Variants in ENKUR observed in about 807,000 individuals in gnomAD.
ENKUR encodes the protein enkurin, TRPC channel interacting protein.
ENKUR carries 19 observed loss-of-function variants against 27.6 expected under a neutral mutation model. That is an observed-to-expected ratio of 0.69 (90% CI 0.48 to 1.01). The LOEUF (loss-of-function observed/expected upper bound fraction) is 1.01, where lower values mean the gene tolerates loss of function less well. Among genes scored for constraint, ENKUR ranks in the 50% least tolerant of loss-of-function variants. The probability of loss-of-function intolerance (pLI) is 0.00; values close to 1 mark genes in which losing one functional copy is unlikely to be tolerated. For missense variants in ENKUR, 312 were observed against 310.5 expected (o/e 1.00, Z -0.04); for synonymous variants, 117 against 96.9 (o/e 1.21, Z -1.22).
intron 2 of ENKUR, among the ~76,000 whole-genome samples, chr10:25,036,004 T>C (rs1851003457): frequency 6.6e-6 from 1 of 152,220 alleles, no homozygotes; most frequent in Non-Finnish European, 1.5e-5. Flanking sequence ...ATGGAGACCT[T>C]AGATAAGTAA....
chr10:25,006,466 A>G (rs558865088), intron 1 of ENKUR, among the ~76,000 whole-genome samples: 58 of 152,212 alleles, frequency 3.8e-4, no homozygotes, highest in African/African-American at 1.3e-3. Context: ...TTAAAGAAGC[A>G]TGGGAAGGAT....
chr10:25,035,490 G>A (rs1316421059), intron 2 of ENKUR, among the ~76,000 whole-genome samples: 1 of 152,028 alleles, frequency 6.6e-6, no homozygotes, highest in Non-Finnish European at 1.5e-5. Context: ...AGGAGGTGGA[G>A]GTTGCAGTGA....
At chr10:25,020,943 A>G (rs1400560367), upstream of ENKUR, among the ~76,000 whole-genome samples, 1 of 152,240 alleles carries the variant, frequency 6.6e-6, no homozygotes, top group Admixed American at 6.5e-5. Flanking sequence ...TTTAAAGTCC[A>G]GTACCAGAAT....
chr10:25,018,654 GA>G (rs1850657292), upstream of ENKUR, among the ~76,000 whole-genome samples: 2 of 116,280 alleles, frequency 1.7e-5, no homozygotes, highest in East Asian at 5.4e-4. Context: ...AAACAAATGA[GA>G]GTTGTTTTTT....
chr10:25,024,753 CTT>C, intron 2 of ENKUR: 1 of 1,614,068 alleles, frequency 6.2e-7, no homozygotes, highest in Middle Eastern at 1.6e-4. Flanking sequence ...CCACAGGAAA[CTT>C]TGGTAACATT....
intron 2 of ENKUR, among the ~76,000 whole-genome samples, chr10:25,033,821 G>GTCTA (rs1850964772): frequency 7.1e-6 from 1 of 140,160 alleles, no homozygotes; most frequent in Non-Finnish European, 1.5e-5. Flanking sequence ...ATGTGTGTGT[G>GTCTA]TGTGTCTATC....
rs1564352066 is a variant in ENKUR at position 25,027,356 on chromosome 10, T to TAA, written c.38-31488_38-31487insTT. 7.2e-4 allele frequency among the ~76,000 whole-genome samples: 33 copies of TAA among 45,722 alleles called. 4 individuals are homozygous for TAA. The highest frequency in any genetic ancestry group is 1.6e-3 in the South Asian group (2 of 1,234). 30.0% of individuals were successfully genotyped at this position (45,722 alleles called of 152,430 possible). A position where few individuals can be genotyped will look rare whatever the true frequency, so the allele number is the denominator to read the frequency against. ...TGGGTGACAGAGCAAGACTCCCGTCTCAAAAAAAAAAAAAAAAAAAAAAAA... is the reference window on the plus strand; with the variant it reads ...TGGGTGACAGAGCAAGACTCCCGTCTAACAAAAAAAAAAAAAAAAAAAAAAAA... On this transcript the variant is annotated intron_variant, in intron 2 of 5. Transcript: ENST00000615958.
chr10:24,986,339 C>A (rs940484439), intron 4 of ENKUR, among the ~76,000 whole-genome samples: 1 of 152,038 alleles, frequency 6.6e-6, no homozygotes, highest in African/African-American at 2.4e-5. Flanking sequence ...AAAAGGGCAA[C>A]AAATTATGAG....
chr10:25,035,658 TC>T (rs1243402965), intron 2 of ENKUR, among the ~76,000 whole-genome samples: 5 of 152,206 alleles, frequency 3.3e-5, no homozygotes, highest in African/African-American at 1.2e-4. Flanking sequence ...CTTCATTTTT[TC>T]TATGATGGTA....
chr10:25,003,841 G>A (rs756460050), intron 1 of ENKUR, among the ~76,000 whole-genome samples: 16 of 152,100 alleles, frequency 1.1e-4, no homozygotes, highest in Non-Finnish European at 2.1e-4. Context: ...CCCAGCCTCC[G>A]ATAGGCCCCA....
At position 25,024,321 on chromosome 10, in the gene ENKUR, C is replaced by T. The variant is rs758732283; in HGVS notation, c.38-28452G>A. On this transcript the variant is annotated intron_variant, in intron 2 of 5. Transcript: ENST00000615958. ...TGCCTCATATTTTTGCACACTGTAT[C>T]CCACCAAGTTGCAATTATATGATAC... is the stretch of plus-strand genomic sequence containing the variant. 3.0e-5 allele frequency: 48 copies of T among 1,614,004 alleles called. No homozygotes were observed. In the South Asian group the frequency reaches 4.0e-4, roughly 13 times the overall value.
At position 24,995,838 on chromosome 10, in the gene ENKUR, C is replaced by A. The variant is rs901262502; in HGVS notation, c.255G>T (p.Lys85Asn). 3 of 1,610,960 alleles carry A rather than the reference C, an allele frequency of 1.9e-6. No homozygotes were observed. In the African/African-American group the frequency reaches 4.0e-5, roughly 22 times the overall value. Residue 85 changes from lysine (K) to asparagine (N), a missense_variant, in exon 3 of 6, where the codon AAG (lysine) becomes AAT (asparagine). Physicochemically the swap from Lys to Asn is moderately conservative, Grantham distance 94. Coordinates refer to ENST00000331161, the MANE Select transcript of ENKUR (RefSeq NM_145010.4). The stretch of plus-strand genomic sequence containing the variant: ...GATCAGTCTTCAATGGCACAGCAGG[C>A]TTTTTGGGCACGTTCCGATCAAAGT... Reference protein sequence around the residue: ...KKNFDRNVPKKPAVPLKTDHP... With the variant: ...KKNFDRNVPKNPAVPLKTDHP...
Position 24,995,773 on chromosome 10 carries a change from T to C in ENKUR, c.320A>G (p.Asn107Ser), listed in dbSNP as rs1386460164. ...MGIQSGKNFI[N>S]TNAADIIMGV... ...CATGATGATATCAGCTGCATTTGTA[T>C]TTATAAAATTTTTTCCACTCTGTAT... is the stretch of plus-strand genomic sequence containing the variant. Residue 107 changes from asparagine (N) to serine (S), a missense_variant, in exon 3 of 6, where the codon AAT becomes AGT. Physicochemically the swap from Asn to Ser is conservative, Grantham distance 46 (BLOSUM62 1). Transcript: ENST00000331161. 6 of 1,613,958 alleles carry C rather than the reference T, an allele frequency of 3.7e-6. No homozygotes were observed. Among genetic ancestry groups the C allele is most frequent in the Non-Finnish European group, 5.1e-6 (6 of 1,180,006 alleles).
chr10:25,057,574 G>T (rs981778130), intron 2 of ENKUR, among the ~76,000 whole-genome samples: 1 of 152,040 alleles, frequency 6.6e-6, no homozygotes, highest in East Asian at 1.9e-4. Flanking sequence ...AGACTCCTAG[G>T]TTCTGGAAAA....
At chr10:25,053,013 T>A (rs1588685942) in intron 2 of ENKUR, among the ~76,000 whole-genome samples, 1 of 147,894 alleles carries the variant, frequency 6.8e-6, no homozygotes, top group African/African-American at 2.5e-5. Flanking sequence ...AGGTGATCCA[T>A]CCACCTCGGC....
intron 2 of ENKUR, among the ~76,000 whole-genome samples, chr10:25,051,603 T>A (rs1049123844): frequency 1.3e-5 from 2 of 152,122 alleles, no homozygotes; most frequent in African/African-American, 2.4e-5. Context: ...GACCTCCCTA[T>A]CACAAGGACA....
intron 2 of ENKUR, among the ~76,000 whole-genome samples, chr10:25,051,408 T>C (rs1430444786): frequency 6.6e-6 from 1 of 152,096 alleles, no homozygotes; most frequent in Non-Finnish European, 1.5e-5. Flanking sequence ...AAGAGAGGTT[T>C]AATTGGCTCA....
In ENKUR at chr10:25,026,382, G is replaced by T. The variant is rs187419535; in HGVS notation, c.38-30513C>A. On this transcript the variant is annotated intron_variant, in intron 2 of 5. Transcript: ENST00000615958. ...ACTACTTAGAAGTGAATACAGAAAT[G>T]ATCTATTTCAAGAGGAAGGTTTTCC... 3.8e-3 allele frequency: 636 copies of T among 167,050 alleles called. 5 individuals are homozygous for T. The highest frequency in any genetic ancestry group is 4.2e-3 in the Non-Finnish European group (289 of 68,112). The allele number at this position is 167,050 out of a possible 1,614,324, so 10.3% of individuals were successfully genotyped here. A position where few individuals can be genotyped will look rare whatever the true frequency, so the allele number is the denominator to read the frequency against.
At chr10:25,018,464 A>G (rs558942631), upstream of ENKUR, among the ~76,000 whole-genome samples, 180 of 152,304 alleles carry the variant, frequency 1.2e-3, no homozygotes, top group African/African-American at 4.2e-3. Context: ...CAGTTTTGCC[A>G]TTGTAGCTCA....
Sources: allele counts gnomAD v4.1 joint callset (sites outside exome capture counted in the v4.1 genomes callset), GRCh38; gene constraint gnomAD v4.1.1; transcripts MANE v1.5; gene names NCBI Gene and HGNC (gene_info 2026-07-23, HGNC 2026-07-21).